The following GABRR1 variants were observed in gnomAD, a reference collection of about 807,000 sequenced individuals.
The protein encoded by GABRR1 is gamma-aminobutyric acid type A receptor subunit rho1.
GABRR1 carries 59 observed loss-of-function variants against 55.5 expected under a neutral mutation model. The observed-to-expected ratio is 1.06, with a 90% CI of 0.86 to 1.32. The LOEUF (loss-of-function observed/expected upper bound fraction) is 1.32, where lower values mean the gene tolerates loss of function less well. Among genes scored for constraint, GABRR1 ranks in the 40% most tolerant of loss-of-function variants. GABRR1 has a pLI of 0.00. For synonymous variants in GABRR1, 213 were observed against 226.0 expected, an observed-to-expected ratio of 0.94 and a Z score of 0.51; for missense variants, 602 against 619.1, an observed-to-expected ratio of 0.97 and a Z score of 0.29.
chr6:89,209,271 T>C (rs1319831731), intron 1 of GABRR1, among the ~76,000 whole-genome samples: 1 of 152,154 alleles, frequency 6.6e-6, no homozygotes, highest in African/African-American at 2.4e-5. Context: ...TTATTTTTTT[T>C]AATTTAAAGC....
chr6:89,224,208 C>A (rs993010085), intron 1 of GABRR1, among the ~76,000 whole-genome samples: 4 of 152,250 alleles, frequency 2.6e-5, no homozygotes, highest in African/African-American at 9.6e-5. Context: ...CCTACCTCAG[C>A]CTCCCAAGTA....
chr6:89,204,469 G>A (rs956126988), intron 1 of GABRR1: 5 of 327,860 alleles, frequency 1.5e-5, no homozygotes, highest in Non-Finnish European at 2.8e-5. Context: ...TTGGATCCCT[G>A]TGGACCCTCA....
intron 1 of GABRR1, among the ~76,000 whole-genome samples, chr6:89,223,929 T>G (rs915876770): frequency 6.6e-6 from 1 of 151,266 alleles, no homozygotes; most frequent in Non-Finnish European, 1.5e-5. Flanking sequence ...ATGCCCAGCT[T>G]ATTTTTGTAT....
upstream of GABRR1, chr6:89,217,435 GC>G: frequency 1.6e-6 from 2 of 1,254,406 alleles, no homozygotes; most frequent in Non-Finnish European, 2.1e-6. Context: ...GTTTACTCAT[GC>G]AAAAAAAAAA....
At chr6:89,183,007 T>TA (rs149997109) in intron 7 of GABRR1, among the ~76,000 whole-genome samples, 2,372 of 152,046 alleles carry the variant, frequency 0.016, 58 homozygotes, top group African/African-American at 0.052. Flanking sequence ...TGCTTTAAGT[T>TA]AAAAAAGAAA....
At chr6:89,186,459 G>GT (rs1320784973) in intron 6 of GABRR1, among the ~76,000 whole-genome samples, 5 of 152,184 alleles carry the variant, frequency 3.3e-5, no homozygotes, top group Non-Finnish European at 7.3e-5. Flanking sequence ...CTGCCCCAGA[G>GT]TGCCCCTCCT....
Position 89,198,166 on chromosome 6 carries a change from G to A in GABRR1, c.426C>T (p.Ser142=), listed in dbSNP as rs144187630. 1.2e-6 allele frequency: 2 copies of A among 1,614,072 alleles called. No homozygotes were observed. The highest frequency in any genetic ancestry group is 1.7e-5 in the Admixed American group (1 of 60,018). ...TGACCAGCCGGCCGTCAAACGTCAT[G>A]CTGAGGTTGTTGGTGCTTGGAAAAG... ...RLSFPSTNNL[S]MTFDGRLVKK... Residue 142 remains serine (S), a synonymous_variant, in exon 5 of 10, where the codon AGC becomes AGT. Transcript: ENST00000454853.
At chr6:89,187,089 T>A (rs2127792141) in intron 6 of GABRR1, among the ~76,000 whole-genome samples, 1 of 152,266 alleles carries the variant, frequency 6.6e-6, no homozygotes, top group East Asian at 1.9e-4. Context: ...TCCACTGTGC[T>A]GTGGGAGAAA....
At chr6:89,189,380 A>G (rs964872201) in intron 6 of GABRR1, among the ~76,000 whole-genome samples, 4 of 147,320 alleles carry the variant, frequency 2.7e-5, no homozygotes, top group Admixed American at 2.1e-4. Context: ...ATGAAACTGG[A>G]AACCATCATT....
At chr6:89,225,150 A>G (rs1444113637) in intron 1 of GABRR1, among the ~76,000 whole-genome samples, 1 of 152,090 alleles carries the variant, frequency 6.6e-6, no homozygotes. Context: ...TGATTTTTAT[A>G]TAAGGTGAGT....
rs1772851027 is a variant in GABRR1 at position 89,212,204 on chromosome 6, C to G, written c.122+4997G>C. 6.0e-6 allele frequency: 3 copies of G among 501,372 alleles called. 1 individual carries two copies. The African/African-American group carries it at 7.7e-5, about 13-fold the overall frequency. The allele number at this position is 501,372 out of a possible 1,614,324, so 31.1% of individuals were successfully genotyped here. On this transcript the variant is annotated intron_variant, in intron 1 of 9. Transcript: ENST00000454853. ...TGCCGAACATTCACCCTAAACTTCT[C>G]TCTCACCCTGAAGCCAATCAGATTC...
chr6:89,182,045 C>T lies in GABRR1; in HGVS notation c.809G>A (p.Arg270His), dbSNP rs147057564. Residue 270 changes from arginine (R) to histidine (H), a missense_variant, in exon 8 of 10, where the codon CGT (arginine) becomes CAT (histidine). Around this residue, in one of 3 missense-constraint regions of GABRR1, gnomAD observed 435 missense variants for 424.2 expected, o/e 1.03. Transcript: ENST00000454853. ...ACGCAACGTGAAATTAATGTAGAGA[C>T]GGTTGTACCAGCCTGGGGGACACAG... ...AFYSSTGWYN[R>H]LYINFTLRRH... is the part of the protein sequence containing the mutation. 33 of 1,613,848 alleles carry T rather than the reference C, an allele frequency of 2.0e-5. No homozygotes were observed. Among genetic ancestry groups the T allele is most frequent in the Middle Eastern group, 1.6e-4 (1 of 6,084 alleles).
intron 1 of GABRR1, among the ~76,000 whole-genome samples, chr6:89,213,739 T>C (rs1319162774): frequency 2.6e-5 from 4 of 152,236 alleles, no homozygotes; most frequent in East Asian, 1.9e-4. Context: ...AATTCCAAAC[T>C]ACTTAGTATT....
chr6:89,205,592 C>A (rs1192089869), intron 1 of GABRR1: 1 of 152,210 alleles, frequency 6.6e-6, no homozygotes, highest in African/African-American at 2.4e-5. Flanking sequence ...TTAGTCTGTG[C>A]ATGGATGTTT....
At chr6:89,209,676 C>A (rs1420163583) in intron 1 of GABRR1, among the ~76,000 whole-genome samples, 1 of 152,068 alleles carries the variant, frequency 6.6e-6, no homozygotes, top group Non-Finnish European at 1.5e-5. Flanking sequence ...ATCCCAAGAG[C>A]CACCACTGCT....
intron 1 of GABRR1, among the ~76,000 whole-genome samples, chr6:89,216,386 C>A (rs948229586): frequency 6.6e-6 from 1 of 152,206 alleles, no homozygotes; most frequent in Non-Finnish European, 1.5e-5. Flanking sequence ...TAAGAAAGGA[C>A]CAAGAATCAA....
chr6:89,216,986 C>T (rs34183812), intron 1 of GABRR1, among the ~76,000 whole-genome samples: 25,013 of 152,022 alleles, frequency 0.16, 2,347 homozygotes, highest in Middle Eastern at 0.22. Context: ...TAAAAATGCA[C>T]TGATAAAATG....
rs374058908 is a variant in GABRR1, at chr6:89,190,162, C to T, written c.655+3G>A. On this transcript the variant is annotated splice_donor_region_variant and intron_variant, in intron 6 of 9. Transcript: ENST00000454853. ...GCTGATGCCCGGGGACAAGTCTACT[C>T]ACAGCTTTCAATTTCAAGAGAGCAC... The T allele has an allele frequency of 6.2e-7, 1 of 1,607,014 alleles. No homozygotes were observed. The highest frequency in any genetic ancestry group is 8.5e-7 in the Non-Finnish European group (1 of 1,176,046).
In GABRR1 at chr6:89,181,954, C is replaced by T; in HGVS notation, c.900G>A (p.Trp300Ter). 6.2e-7 allele frequency: 1 copy of T among 1,613,920 alleles called. No homozygotes were observed. Among genetic ancestry groups the T allele is most frequent in the Non-Finnish European group, 8.5e-7 (1 of 1,179,968 alleles). Residue 300 changes from tryptophan to a stop codon, truncating the protein, a stop_gained, in exon 8 of 10, where the codon TGG (tryptophan) becomes TGA (stop). Transcript: ENST00000454853. LOFTEE classifies it high-confidence loss of function. The part of the protein sequence containing the change: ...FPATLMVMLS[W>*]VSFWIDRRAV... ...CTCTGCGGTCGATCCAGAAGGACAC[C>T]CAGGACAGCATGACCATCAGGGTAG...
Sources: gnomAD v4.1 joint callset for allele counts (sites outside exome capture counted in the v4.1 genomes callset) on GRCh38, gnomAD v4.1.1 for gene constraint, gnomAD v4.1.1 regional missense constraint, MANE v1.5 for transcripts, NCBI Gene and HGNC (gene_info 2026-07-23, HGNC 2026-07-21) for gene names.